SUGCT: variants seen among roughly 807,000 people sequenced by gnomAD.
SUGCT encodes succinyl-CoA:glutarate CoA-transferase.
A neutral mutation model predicts 55.0 loss-of-function variants in SUGCT; 41 were observed. The observed-to-expected ratio is 0.74, with a 90% CI of 0.58 to 0.97. The LOEUF (loss-of-function observed/expected upper bound fraction) is 0.97. SUGCT is among the 50% of genes least tolerant of loss of function. SUGCT has a pLI of 0.00. For synonymous variants in SUGCT, 187 were observed against 200.4 expected (o/e 0.93, Z 0.56); for missense variants, 568 against 547.8 (o/e 1.04, Z -0.37).
chr7:40,324,230 T>TAAATAG, intron 9 of SUGCT, among the ~76,000 whole-genome samples: 1 of 111,988 alleles, frequency 8.9e-6, no homozygotes, highest in African/African-American at 3.4e-5. Context: ...GATGATCATA[T>TAAATAG]ATATAAATAA....
At chr7:40,698,353 C>T (rs1785029711) in intron 12 of SUGCT, among the ~76,000 whole-genome samples, 2 of 152,204 alleles carry the variant, frequency 1.3e-5, no homozygotes, top group African/African-American at 2.4e-5. Flanking sequence ...AAGACGGAGG[C>T]TGCTAGGGAC....
chr7:40,939,425 G>A, the SUGCT span, among the ~76,000 whole-genome samples: 1 of 152,118 alleles, frequency 6.6e-6, no homozygotes, highest in Non-Finnish European at 1.5e-5. Context: ...TGGTATCACA[G>A]GATTAAATGG....
At chr7:40,825,529 C>A (rs1014375413) in intron 13 of SUGCT, among the ~76,000 whole-genome samples, 1 of 152,030 alleles carries the variant, frequency 6.6e-6, no homozygotes, top group Non-Finnish European at 1.5e-5. Flanking sequence ...TGTTTTTTAA[C>A]GTATTCCATG....
chr7:40,556,363 C>T (rs779264932), intron 12 of SUGCT, among the ~76,000 whole-genome samples: 12 of 150,914 alleles, frequency 8.0e-5, no homozygotes, highest in Non-Finnish European at 1.5e-4. Flanking sequence ...GGTGGACACA[C>T]TACAGCTCCG....
At chr7:40,456,763 T>G (rs866171766) in intron 10 of SUGCT, among the ~76,000 whole-genome samples, 18 of 152,144 alleles carry the variant, frequency 1.2e-4, no homozygotes, top group African/African-American at 3.1e-4. Context: ...AGCAAAGGAA[T>G]AGCTATTTTA....
At position 40,553,266 on chromosome 7, in the gene SUGCT, G is replaced by A. The variant is rs188559703; in HGVS notation, c.1089+56880G>A. 4.3e-3 allele frequency among the ~76,000 whole-genome samples: 650 copies of A among 152,246 alleles called. 6 individuals are homozygous for A. Among genetic ancestry groups the A allele is most frequent in the African/African-American group, 0.015 (625 of 41,548 alleles). ...ATTTGAGGTATGGGTGCAAATTAGGGAACTCCTAGGAATTAACTAAGGGTT... is the reference window on the plus strand; with the variant it reads ...ATTTGAGGTATGGGTGCAAATTAGGAAACTCCTAGGAATTAACTAAGGGTT... On this transcript the variant is annotated intron_variant, in intron 12 of 13. Coordinates refer to ENST00000335693, the MANE Select transcript of SUGCT (RefSeq NM_001193313.2).
At chr7:40,704,935 C>T (rs373881527) in intron 12 of SUGCT, among the ~76,000 whole-genome samples, 4 of 152,316 alleles carry the variant, frequency 2.6e-5, no homozygotes, top group African/African-American at 9.6e-5. Context: ...TGTCTGTTCA[C>T]ACTTTCAACC....
the SUGCT span, among the ~76,000 whole-genome samples, chr7:40,982,359 T>C: frequency 8.7e-4 from 133 of 152,324 alleles, no homozygotes; most frequent in Middle Eastern, 3.4e-3. Context: ...GCATTGTATC[T>C]GTTGAAACTA....
chr7:40,920,507 C>T, the SUGCT span, among the ~76,000 whole-genome samples: 2 of 152,194 alleles, frequency 1.3e-5, no homozygotes, highest in South Asian at 2.1e-4. Flanking sequence ...ACCCCCAACT[C>T]AGCCCATTTG....
At chr7:40,744,826 C>T (rs1787648224) in intron 12 of SUGCT, among the ~76,000 whole-genome samples, 1 of 152,144 alleles carries the variant, frequency 6.6e-6, no homozygotes, top group Non-Finnish European at 1.5e-5. Flanking sequence ...TATCTTTGTT[C>T]TCTGGTCTTT....
chr7:40,324,753 A>T (rs1161822098), intron 9 of SUGCT, among the ~76,000 whole-genome samples: 1 of 152,194 alleles, frequency 6.6e-6, no homozygotes, highest in Non-Finnish European at 1.5e-5. Flanking sequence ...GGGAGACCCC[A>T]GGAGTTCAGG....
the SUGCT span, among the ~76,000 whole-genome samples, chr7:41,009,970 A>G: frequency 6.6e-6 from 1 of 152,188 alleles, no homozygotes; most frequent in African/African-American, 2.4e-5. Context: ...TTCACATGCA[A>G]ACTTTGATGT....
intron 4 of SUGCT, 67 bp downstream of exon 4, chr7:40,188,647 C>T (rs1014803896): frequency 4.9e-5 from 47 of 949,842 alleles, no homozygotes; most frequent in Middle Eastern, 2.9e-4. Context: ...CTGTTGATAT[C>T]ATTGTGGCTT....
At chr7:40,328,216 T>C (rs1796113808) in intron 9 of SUGCT, among the ~76,000 whole-genome samples, 1 of 152,220 alleles carries the variant, frequency 6.6e-6, no homozygotes, top group Non-Finnish European at 1.5e-5. Context: ...TAATTATGAC[T>C]TAAAAGCAAA....
At chr7:40,600,582 T>A (rs1325851764) in intron 12 of SUGCT, among the ~76,000 whole-genome samples, 1 of 152,230 alleles carries the variant, frequency 6.6e-6, no homozygotes, top group Non-Finnish European at 1.5e-5. Flanking sequence ...ATGGAGACTT[T>A]AACTTCCTAA....
rs533676020 is a variant in SUGCT at position 40,611,966 on chromosome 7, A to T, written c.1089+115580A>T. Among the ~76,000 whole-genome samples the T allele has an allele frequency of 4.6e-5, 7 of 151,864 alleles. No homozygotes were observed. The East Asian group carries it at 1.2e-3, about 25-fold the overall frequency. ...TCATTTTTATTGTTAATATTTTATA[A>T]ATTTATGTCTCATTAAAGCACTGTT... On this transcript the variant is annotated intron_variant, in intron 12 of 13. Coordinates refer to ENST00000335693, the MANE Select transcript of SUGCT (RefSeq NM_001193313.2).
chr7:40,480,176 TTG>T (rs370862063), intron 11 of SUGCT, among the ~76,000 whole-genome samples: 29 of 152,264 alleles, frequency 1.9e-4, no homozygotes, highest in African/African-American at 5.8e-4. Flanking sequence ...CTTTAATCCA[TTG>T]TGAGTTGATT....
chr7:40,507,116 T>G (rs187368342), intron 12 of SUGCT, among the ~76,000 whole-genome samples: 52 of 152,324 alleles, frequency 3.4e-4, no homozygotes, highest in Non-Finnish European at 6.3e-4. Context: ...TTTACTGTGC[T>G]TTGTGTGTCT....
chr7:40,613,997 T>C (rs986522121), intron 12 of SUGCT, among the ~76,000 whole-genome samples: 2 of 152,196 alleles, frequency 1.3e-5, no homozygotes, highest in Non-Finnish European at 2.9e-5. Flanking sequence ...GTTTCGAATG[T>C]CATATCTGTG....
Sources: gnomAD v4.1 joint callset for allele counts (sites outside exome capture counted in the v4.1 genomes callset) on GRCh38, gnomAD v4.1.1 for gene constraint, MANE v1.5 for transcripts, NCBI Gene and HGNC (gene_info 2026-07-23, HGNC 2026-07-21) for gene names.